Variants in UBE2E2 observed in about 807,000 individuals in gnomAD.
The protein encoded by UBE2E2 is ubiquitin conjugating enzyme E2 E2.
A neutral mutation model predicts 24.7 loss-of-function variants in UBE2E2; 6 were observed. That is an observed-to-expected ratio of 0.24 (90% CI 0.13 to 0.48). The LOEUF (loss-of-function observed/expected upper bound fraction) is 0.48, where lower values mean the gene tolerates loss of function less well. Among genes scored for constraint, UBE2E2 ranks in the 20% least tolerant of loss-of-function variants. The pLI is 0.99. For synonymous variants in UBE2E2, 104 were observed against 83.6 expected, an observed-to-expected ratio of 1.24 and a Z score of -1.33; for missense variants, 169 against 245.0, an observed-to-expected ratio of 0.69 and a Z score of 2.07.
At chr3:23,275,222 C>A (rs2125366946) in intron 3 of UBE2E2, among the ~76,000 whole-genome samples, 1 of 152,220 alleles carries the variant, frequency 6.6e-6, no homozygotes, top group Middle Eastern at 3.4e-3. Context: ...GTATATCACA[C>A]AGGGTGAGAG....
intron 5 of UBE2E2, among the ~76,000 whole-genome samples, chr3:23,572,707 A>T (rs896456528): frequency 1.3e-5 from 2 of 152,166 alleles, no homozygotes; most frequent in African/African-American, 4.8e-5. Flanking sequence ...GCTGCAAAGG[A>T]TATGATTTTG....
At chr3:23,308,284 A>T (rs17012988) in intron 3 of UBE2E2, among the ~76,000 whole-genome samples, 1 of 152,190 alleles carries the variant, frequency 6.6e-6, no homozygotes, top group Non-Finnish European at 1.5e-5. Context: ...TCCTTCTCTT[A>T]TAAGCCCCTA....
chr3:23,393,360 C>G (rs1047227725), intron 3 of UBE2E2, among the ~76,000 whole-genome samples: 2 of 152,118 alleles, frequency 1.3e-5, no homozygotes, highest in African/African-American at 4.8e-5. Flanking sequence ...AGAAGATGCT[C>G]AGGATATATG....
chr3:23,392,082 T>C (rs146953214), intron 3 of UBE2E2, among the ~76,000 whole-genome samples: 292 of 152,290 alleles, frequency 1.9e-3, no homozygotes, highest in Admixed American at 5.6e-3. Flanking sequence ...AAGTATTGGG[T>C]ATTAGAAGAA....
At chr3:23,455,546 C>A (rs934516541) in intron 3 of UBE2E2, among the ~76,000 whole-genome samples, 1 of 151,912 alleles carries the variant, frequency 6.6e-6, no homozygotes, top group African/African-American at 2.4e-5. Flanking sequence ...AATGAGACCC[C>A]CATTTCTACA....
In UBE2E2 at chr3:23,474,973, A is replaced by C. The variant is rs1349042102; in HGVS notation, c.228-24635A>C. Among the ~76,000 whole-genome samples the C allele has an allele frequency of 1.3e-5, 2 of 152,056 alleles. No individual in the cohort carries two copies. Among genetic ancestry groups the C allele is most frequent in the Non-Finnish European group, 1.5e-5 (1 of 68,028 alleles). ...CATTTCACTCAAATTGCTCCTCTCA[A>C]AGTCACCAACTGCATTTTGCTGAAA... On this transcript the variant is annotated intron_variant, in intron 3 of 5. Coordinates refer to ENST00000396703, the MANE Select transcript of UBE2E2 (RefSeq NM_152653.4). This position sits in a 1 kb window ranked among gnomAD's most constrained non-coding sequence, Gnocchi z 4.0.
intron 3 of UBE2E2, among the ~76,000 whole-genome samples, chr3:23,345,164 G>C (rs1241683300): frequency 1.3e-5 from 2 of 152,156 alleles, no homozygotes; most frequent in Non-Finnish European, 2.9e-5. Context: ...CTGCCTGTCA[G>C]TGCACTTAAA....
At chr3:23,522,155 G>A (rs1694882770) in intron 4 of UBE2E2, among the ~76,000 whole-genome samples, 1 of 129,434 alleles carries the variant, frequency 7.7e-6, no homozygotes, top group Non-Finnish European at 1.6e-5. Flanking sequence ...TTTTGAGGCA[G>A]AGTCTCGCTC....
At chr3:23,258,692 G>A (rs1462362894) in intron 3 of UBE2E2, among the ~76,000 whole-genome samples, 1 of 152,058 alleles carries the variant, frequency 6.6e-6, no homozygotes, top group East Asian at 1.9e-4. Flanking sequence ...AGGAGATGGA[G>A]ACCATCCTGG....
intron 3 of UBE2E2, among the ~76,000 whole-genome samples, chr3:23,422,101 A>G (rs780924614): frequency 3.9e-5 from 6 of 152,184 alleles, no homozygotes; most frequent in Non-Finnish European, 8.8e-5. Flanking sequence ...AGTAATTAAT[A>G]ATTTTTTTAA....
At chr3:23,413,050 G>GT (rs1383324023) in intron 3 of UBE2E2, among the ~76,000 whole-genome samples, 4 of 142,652 alleles carry the variant, frequency 2.8e-5, no homozygotes, top group Non-Finnish European at 4.6e-5. Flanking sequence ...CAGTTTTGGG[G>GT]TGGGGGGAGG....
chr3:23,376,569 T>A (rs1298170262), intron 3 of UBE2E2, among the ~76,000 whole-genome samples: 5 of 152,228 alleles, frequency 3.3e-5, no homozygotes, highest in African/African-American at 1.2e-4. Flanking sequence ...TGTACCTTTT[T>A]ACAACCTTTG....
chr3:23,562,858 G>A (rs1180597672), intron 5 of UBE2E2, among the ~76,000 whole-genome samples: 2 of 152,168 alleles, frequency 1.3e-5, no homozygotes, highest in Non-Finnish European at 2.9e-5. Context: ...TATTTGCATA[G>A]AGGTGTTTAT....
At chr3:23,440,855 T>C (rs1451692484) in intron 3 of UBE2E2, among the ~76,000 whole-genome samples, 1 of 152,186 alleles carries the variant, frequency 6.6e-6, no homozygotes, top group Non-Finnish European at 1.5e-5. Flanking sequence ...TTTTTCCTGC[T>C]CTTCCTGTAA....
At chr3:23,394,882 G>T (rs1697037846) in intron 3 of UBE2E2, among the ~76,000 whole-genome samples, 1 of 152,102 alleles carries the variant, frequency 6.6e-6, no homozygotes, top group Admixed American at 6.5e-5. Context: ...CCAGAGTATT[G>T]CTTTGATTTT....
intron 3 of UBE2E2, among the ~76,000 whole-genome samples, chr3:23,325,714 A>G (rs1408679222): frequency 1.3e-5 from 2 of 152,224 alleles, no homozygotes; most frequent in African/African-American, 4.8e-5. Context: ...GTGTGAGAGA[A>G]TGTGCTACTG....
At chr3:23,406,447 G>T (rs1027669701) in intron 3 of UBE2E2, among the ~76,000 whole-genome samples, 1 of 152,082 alleles carries the variant, frequency 6.6e-6, no homozygotes, top group African/African-American at 2.4e-5. Context: ...CTACCCTAAT[G>T]AGGTTATTGG....
At chr3:23,444,868 A>G (rs1698391581) in intron 3 of UBE2E2, among the ~76,000 whole-genome samples, 1 of 152,140 alleles carries the variant, frequency 6.6e-6, no homozygotes, top group East Asian at 1.9e-4. Flanking sequence ...ATGTTGATAG[A>G]TCAGTTATTT....
At chr3:23,584,726 G>GTTTTTTTTTT (rs1158915900) in intron 5 of UBE2E2, among the ~76,000 whole-genome samples, 120 of 113,474 alleles carry the variant, frequency 1.1e-3, no homozygotes, top group African/African-American at 1.4e-3. Context: ...GCTGTTTTTT[G>GTTTTTTTTTT]TTTTTTTTTT....
Sources: gnomAD v4.1 joint callset for allele counts (sites outside exome capture counted in the v4.1 genomes callset) on GRCh38, gnomAD v4.1.1 for gene constraint, Gnocchi (gnomAD v3.1) non-coding constraint, MANE v1.5 for transcripts, NCBI Gene and HGNC (gene_info 2026-07-23, HGNC 2026-07-21) for gene names.